The following GRID1 variants were observed in gnomAD, a reference collection of about 807,000 sequenced individuals.
GRID1 encodes the protein glutamate receptor ionotropic, delta-1.
A neutral mutation model predicts 98.0 loss-of-function variants in GRID1; 28 were observed. That is an observed-to-expected ratio of 0.29 (90% CI 0.21 to 0.39). The LOEUF (loss-of-function observed/expected upper bound fraction) is 0.39. Ranked by LOEUF, GRID1 falls within the 10% of genes least tolerant of loss-of-function variation. GRID1 has a pLI of 1.00. For synonymous variants in GRID1, 553 were observed against 538.5 expected (o/e 1.03, Z -0.37); for missense variants, 1,111 against 1,340.5 (o/e 0.83, Z 2.67).
At chr10:85,766,079 A>G (rs1842195163) in intron 8 of GRID1, among the ~76,000 whole-genome samples, 1 of 152,248 alleles carries the variant, frequency 6.6e-6, no homozygotes, top group African/African-American at 2.4e-5. Context: ...CATCACAAGT[A>G]TGTGGTGGTA....
intron 4 of GRID1, among the ~76,000 whole-genome samples, chr10:85,966,864 A>G (rs996496552): frequency 2.6e-5 from 4 of 152,162 alleles, no homozygotes; most frequent in East Asian, 1.9e-4. Flanking sequence ...TTAGCTGACT[A>G]CTAAGAAAAC....
intron 12 of GRID1, among the ~76,000 whole-genome samples, chr10:85,670,284 G>A (rs1395925023): frequency 6.6e-6 from 1 of 152,064 alleles, no homozygotes; most frequent in Non-Finnish European, 1.5e-5. Context: ...TTGTGTAGAC[G>A]ATTCAAAGAC....
chr10:85,612,438 G>C (rs150810325), intron 15 of GRID1, among the ~76,000 whole-genome samples: 1 of 152,260 alleles, frequency 6.6e-6, no homozygotes, highest in East Asian at 1.9e-4. Context: ...TGAGCCTCCA[G>C]TAAAAACAAA....
chr10:85,681,365 A>G (rs1370623168), intron 12 of GRID1, among the ~76,000 whole-genome samples: 1 of 151,410 alleles, frequency 6.6e-6, no homozygotes. Flanking sequence ...AACAACACCT[A>G]TGAAGCAGAT....
At chr10:85,857,490 A>T (rs937330428) in intron 6 of GRID1, among the ~76,000 whole-genome samples, 5 of 152,022 alleles carry the variant, frequency 3.3e-5, no homozygotes, top group Admixed American at 6.5e-5. Flanking sequence ...CTGTTCTCGG[A>T]TGTCACCTTC....
intron 2 of GRID1, among the ~76,000 whole-genome samples, chr10:86,244,605 G>A (rs1422679441): frequency 1.3e-5 from 2 of 152,226 alleles, no homozygotes; most frequent in African/African-American, 2.4e-5. Context: ...AGCACAGCCA[G>A]TCAGCCCCAC....
At chr10:86,140,218 G>A (rs751388483) in intron 3 of GRID1, among the ~76,000 whole-genome samples, 7 of 152,154 alleles carry the variant, frequency 4.6e-5, no homozygotes, top group Non-Finnish European at 1.0e-4. Flanking sequence ...ATAAGCAAGA[G>A]CCGTGCCTGA....
intron 4 of GRID1, among the ~76,000 whole-genome samples, chr10:86,063,605 C>A (rs1234844098): frequency 3.3e-5 from 5 of 151,432 alleles, no homozygotes; most frequent in Admixed American, 2.0e-4. Context: ...ATGTGCTTAA[C>A]CAATCTGCTA....
intron 4 of GRID1, among the ~76,000 whole-genome samples, chr10:86,126,327 C>T (rs1231418109): frequency 4.6e-5 from 7 of 152,140 alleles, no homozygotes; most frequent in Non-Finnish European, 8.8e-5. Flanking sequence ...TGGTGGCACG[C>T]GCCTGTAATC....
intron 4 of GRID1, among the ~76,000 whole-genome samples, chr10:86,001,410 T>C (rs12778282): frequency 0.75 from 114,484 of 152,048 alleles, 43,382 homozygotes; most frequent in South Asian, 0.85. Flanking sequence ...GAAGGAAGAT[T>C]GATAAGACAT....
At chr10:85,834,909 T>C (rs1199090353) in intron 8 of GRID1, among the ~76,000 whole-genome samples, 1 of 152,108 alleles carries the variant, frequency 6.6e-6, no homozygotes, top group Non-Finnish European at 1.5e-5. Flanking sequence ...ATGGGAAGAA[T>C]AGATTTTTTA....
chr10:86,266,292 C>G (rs1479435300), intron 2 of GRID1, among the ~76,000 whole-genome samples: 1 of 152,128 alleles, frequency 6.6e-6, no homozygotes, highest in Non-Finnish European at 1.5e-5. Flanking sequence ...GTGACGCCAT[C>G]AGAAAGCTCC....
chr10:86,018,774 A>G (rs528211260), intron 4 of GRID1, among the ~76,000 whole-genome samples: 1 of 152,312 alleles, frequency 6.6e-6, no homozygotes, highest in East Asian at 1.9e-4. Flanking sequence ...CTGCCCCACC[A>G]AAGGCTGTGT....
chr10:85,909,214 G>A (rs1346293376), intron 5 of GRID1, among the ~76,000 whole-genome samples: 1 of 152,136 alleles, frequency 6.6e-6, no homozygotes, highest in Non-Finnish European at 1.5e-5. Context: ...AGTTATGAGG[G>A]AAATGAAAAA....
At chr10:85,629,932 G>A (rs763860581) in intron 13 of GRID1, among the ~76,000 whole-genome samples, 65 of 151,964 alleles carry the variant, frequency 4.3e-4, no homozygotes, top group South Asian at 2.3e-3. Context: ...TCTCACTGTC[G>A]GTCTAATTAG....
intron 13 of GRID1, among the ~76,000 whole-genome samples, chr10:85,630,053 G>A (rs1286691914): frequency 6.6e-6 from 1 of 152,090 alleles, no homozygotes; most frequent in Admixed American, 6.6e-5. Context: ...CTTTTTAATG[G>A]AGGGACAGAT....
rs72842934 is a variant in GRID1, at chr10:85,876,592, C to T, written c.781-7412G>A. ...TCTTTGGAGTCCATTATTCAGCCCA[C>T]TGCATCCAGATATTAAGAATCATTT... On this transcript the variant is annotated intron_variant, in intron 5 of 15. Transcript: ENST00000327946. 6.0e-3 allele frequency among the ~76,000 whole-genome samples: 909 copies of T among 152,290 alleles called. 8 individuals are homozygous for T. The highest frequency in any genetic ancestry group is 0.021 in the African/African-American group (859 of 41,566).
intron 4 of GRID1, among the ~76,000 whole-genome samples, chr10:86,119,949 C>A (rs921967489): frequency 6.6e-6 from 1 of 152,050 alleles, no homozygotes; most frequent in South Asian, 2.1e-4. Flanking sequence ...CGCCACCATG[C>A]CCGGCTAATT....
intron 8 of GRID1, among the ~76,000 whole-genome samples, chr10:85,802,649 G>T (rs1842587140): frequency 1.3e-5 from 2 of 151,790 alleles, no homozygotes; most frequent in South Asian, 2.1e-4. Context: ...CCTAATCCTG[G>T]TCATAACAGA....
Sources: gnomAD v4.1 joint callset for allele counts (sites outside exome capture counted in the v4.1 genomes callset) on GRCh38, gnomAD v4.1.1 for gene constraint, MANE v1.5 for transcripts, NCBI Gene and HGNC (gene_info 2026-07-23, HGNC 2026-07-21) for gene names.